The following LRMDA variants were observed in gnomAD, a reference collection of about 807,000 sequenced individuals.
LRMDA encodes the protein leucine-rich melanocyte differentiation-associated protein.
LRMDA carries 18 observed loss-of-function variants against 29.8 expected under a neutral mutation model. The observed-to-expected ratio is 0.60, with a 90% confidence interval of 0.42 to 0.90. The LOEUF is 0.90. LRMDA is among the 40% of genes least tolerant of loss of function. The pLI, the probability that LRMDA is intolerant of heterozygous loss-of-function variation, is 0.00. For synonymous variants in LRMDA, 125 were observed against 109.4 expected (o/e 1.14, Z -0.89); for missense variants, 273 against 273.9 (o/e 1.00, Z 0.02).
chr10:76,170,100 A>G lies in LRMDA; in HGVS notation c.516+111317A>G, dbSNP rs191604988. Among the ~76,000 whole-genome samples the G allele has an allele frequency of 9.0e-4, 137 of 152,286 alleles. 1 individual carries two copies. The highest frequency in any genetic ancestry group is 2.7e-3 in the Admixed American group (41 of 15,288). On this transcript the variant is annotated intron_variant, in intron 5 of 6. Transcript: ENST00000611255. ...GTTTAAAAGATTCTGGTCTCCACAC[A>G]TATTGCAGGTCACATTCTTGCTGTA...
intron 5 of LRMDA, among the ~76,000 whole-genome samples, chr10:76,237,140 C>A (rs116446796): frequency 0.013 from 2,031 of 152,264 alleles, 47 homozygotes; most frequent in African/African-American, 0.047. Flanking sequence ...GCTATGACTG[C>A]ACTACTGCAT....
chr10:76,138,402 T>C (rs1850135899), intron 5 of LRMDA, among the ~76,000 whole-genome samples: 3 of 152,130 alleles, frequency 2.0e-5, no homozygotes, highest in African/African-American at 2.4e-5. Context: ...AACTTCAAGC[T>C]CTGACACCTT....
At chr10:76,020,836 G>A (rs774341355) in intron 2 of LRMDA, among the ~76,000 whole-genome samples, 25 of 152,188 alleles carry the variant, frequency 1.6e-4, no homozygotes, top group South Asian at 4.1e-4. Context: ...GCAATTCTGC[G>A]CCTGAGGAAT....
At chr10:76,060,575 A>C (rs1848688086) in intron 5 of LRMDA, among the ~76,000 whole-genome samples, 1 of 151,840 alleles carries the variant, frequency 6.6e-6, no homozygotes, top group South Asian at 2.1e-4. Flanking sequence ...CTGGGCCCAC[A>C]CTCTTCTCTC....
At chr10:75,683,470 C>T (rs985652923) in intron 2 of LRMDA, among the ~76,000 whole-genome samples, 2 of 152,176 alleles carry the variant, frequency 1.3e-5, no homozygotes, top group Admixed American at 6.5e-5. Flanking sequence ...ATATCACACT[C>T]AGTACAGTAT....
chr10:76,532,498 A>G (rs1843245185), intron 6 of LRMDA, among the ~76,000 whole-genome samples: 1 of 152,214 alleles, frequency 6.6e-6, no homozygotes, highest in Non-Finnish European at 1.5e-5. Flanking sequence ...GTCAGACAGT[A>G]TCCTTGGGTT....
intron 2 of LRMDA, among the ~76,000 whole-genome samples, chr10:75,842,793 C>T (rs1276066558): frequency 6.6e-6 from 1 of 151,574 alleles, no homozygotes; most frequent in Non-Finnish European, 1.5e-5. Context: ...TTTGGGAGGC[C>T]AGGATGGGAG....
At chr10:76,343,782 G>A (rs978818540) in intron 6 of LRMDA, among the ~76,000 whole-genome samples, 5 of 150,338 alleles carry the variant, frequency 3.3e-5, no homozygotes, top group African/African-American at 1.2e-4. Flanking sequence ...AAAGTGGAAA[G>A]CCTATTATAA....
chr10:76,052,252 T>A (rs1341026947), intron 4 of LRMDA, among the ~76,000 whole-genome samples: 1 of 152,116 alleles, frequency 6.6e-6, no homozygotes, highest in African/African-American at 2.4e-5. Flanking sequence ...GGAAGAAAAT[T>A]TTAAAAACGA....
intron 5 of LRMDA, among the ~76,000 whole-genome samples, chr10:76,099,165 CT>C (rs2132100290): frequency 6.6e-6 from 1 of 152,314 alleles, no homozygotes; most frequent in African/African-American, 2.4e-5. Context: ...CAAAGGCCAT[CT>C]AGTCCCCAGG....
intron 2 of LRMDA, among the ~76,000 whole-genome samples, chr10:75,755,870 A>G (rs2132223531): frequency 6.6e-6 from 1 of 152,260 alleles, no homozygotes; most frequent in Non-Finnish European, 1.5e-5. Flanking sequence ...TAAAATCCAT[A>G]TTCCTCCACT....
At chr10:76,290,973 A>G (rs568618617) in intron 5 of LRMDA, among the ~76,000 whole-genome samples, 1 of 152,208 alleles carries the variant, frequency 6.6e-6, no homozygotes, top group African/African-American at 2.4e-5. Flanking sequence ...TTCAATTTAT[A>G]TATAATAGCT....
intron 2 of LRMDA, among the ~76,000 whole-genome samples, chr10:75,616,231 T>C (rs1055723573): frequency 1.4e-5 from 2 of 146,742 alleles, no homozygotes; most frequent in African/African-American, 2.7e-5. Context: ...AGAACAGTAA[T>C]AGTAGCAGTA....
intron 2 of LRMDA, among the ~76,000 whole-genome samples, chr10:75,611,863 C>A (rs1012313603): frequency 2.0e-5 from 3 of 152,180 alleles, no homozygotes; most frequent in Non-Finnish European, 4.4e-5. Context: ...TCGACTTGGT[C>A]CTGTGTATCA....
intron 2 of LRMDA, among the ~76,000 whole-genome samples, chr10:76,016,678 T>C (rs2132486222): frequency 6.6e-6 from 1 of 152,360 alleles, no homozygotes; most frequent in East Asian, 1.9e-4. Context: ...AGAATGAAGA[T>C]GGATTCAAGT....
chr10:75,477,126 G>A lies in LRMDA; in HGVS notation c.131+38632G>A, dbSNP rs139225338. ...CCACCTCAGCTTCCCAAGTAGATAG[G>A]ACTACAGGTGTATACCATCACCTAG... On this transcript the variant is annotated intron_variant, in intron 2 of 6. Transcript: ENST00000611255. 5.1e-3 allele frequency among the ~76,000 whole-genome samples: 773 copies of A among 152,116 alleles called. 5 individuals are homozygous for A. The highest frequency in any genetic ancestry group is 0.018 in the African/African-American group (736 of 41,476).
At chr10:76,165,953 T>C (rs1446289049) in intron 5 of LRMDA, among the ~76,000 whole-genome samples, 2 of 152,170 alleles carry the variant, frequency 1.3e-5, no homozygotes, top group African/African-American at 4.8e-5. Context: ...GGTAGGTTGG[T>C]GAACAAACAG....
At chr10:75,740,998 C>A (rs148694533) in intron 2 of LRMDA, among the ~76,000 whole-genome samples, 1 of 152,178 alleles carries the variant, frequency 6.6e-6, no homozygotes, top group African/African-American at 2.4e-5. Flanking sequence ...AGATCTCTTA[C>A]TTGGCCAGTT....
At chr10:76,223,878 C>T (rs1217544072) in intron 5 of LRMDA, among the ~76,000 whole-genome samples, 2 of 152,202 alleles carry the variant, frequency 1.3e-5, no homozygotes. Context: ...ACTCTTCTTT[C>T]ACTTCCTCTT....
Sources: gnomAD v4.1 joint callset for allele counts (sites outside exome capture counted in the v4.1 genomes callset) on GRCh38, gnomAD v4.1.1 for gene constraint, MANE v1.5 for transcripts, NCBI Gene and HGNC (gene_info 2026-07-23, HGNC 2026-07-21) for gene names.